Variants in LIPC observed in about 807,000 individuals in gnomAD.
LIPC encodes lipase C, hepatic type.
In LIPC, 44 loss-of-function variants were observed where a neutral mutation model predicts 50.7. The observed-to-expected ratio is 0.87, with a 90% confidence interval of 0.68 to 1.11. The LOEUF (loss-of-function observed/expected upper bound fraction) is 1.11, where lower values mean the gene tolerates loss of function less well. Ranked by LOEUF, LIPC falls within the 50% of genes most tolerant of loss-of-function variation. LIPC has a pLI of 0.00. For missense variants in LIPC, 697 were observed against 648.2 expected (o/e 1.08, Z -0.82); for synonymous variants, 271 against 256.4 (o/e 1.06, Z -0.54).
intron 6 of LIPC, among the ~76,000 whole-genome samples, chr15:58,557,030 T>C (rs1157457909): frequency 6.6e-6 from 1 of 152,244 alleles, no homozygotes; most frequent in Non-Finnish European, 1.5e-5. Context: ...GTGTTTTCAG[T>C]GTATTTTTAC....
At position 58,544,860 on chromosome 15, in the gene LIPC, A is replaced by AT. The variant is rs555751707; in HGVS notation, c.575-882_575-881insT. 2.0e-3 allele frequency among the ~76,000 whole-genome samples: 309 copies of AT among 152,254 alleles called. 3 individuals are homozygous for AT. The highest frequency in any genetic ancestry group is 3.2e-4 in the Non-Finnish European group (22 of 68,008). Reference sequence around the variant, plus strand: ...AGAGGAAGAAAGACAGGGAAAAAAAACTTGGAGCGCATAAATACTCCCCAA... The same window carrying AT: ...AGAGGAAGAAAGACAGGGAAAAAAAATCTTGGAGCGCATAAATACTCCCCAA... On this transcript the variant is annotated intron_variant, in intron 4 of 8. Coordinates refer to ENST00000299022, the MANE Select transcript of LIPC (RefSeq NM_000236.3).
intron 1 of LIPC, among the ~76,000 whole-genome samples, chr15:58,479,680 T>G (rs1217504312): frequency 6.6e-6 from 1 of 152,214 alleles, no homozygotes; most frequent in Non-Finnish European, 1.5e-5. Context: ...TCTTACAGAA[T>G]TGTTTTGTTA....
rs562955063 is a variant in LIPC at position 58,558,631 on chromosome 15, A to ACAGGCTAGAGATCTAGGTTGCATGCTCC, written c.1052-2233_1052-2232insCAGGCTAGAGATCTAGGTTGCATGCTCC. On this transcript the variant is annotated intron_variant, in intron 6 of 8. Transcript: ENST00000299022. Reference sequence around the variant, plus strand: ...AGCAGCGCAAACCCTATTGTGAACTATTATGAGAATCTAATGCCTGATGAT... The same window carrying ACAGGCTAGAGATCTAGGTTGCATGCTCC: ...AGCAGCGCAAACCCTATTGTGAACTACAGGCTAGAGATCTAGGTTGCATGCTCCTTATGAGAATCTAATGCCTGATGAT... Among the ~76,000 whole-genome samples the ACAGGCTAGAGATCTAGGTTGCATGCTCC allele has an allele frequency of 3.7e-4, 56 of 151,804 alleles. 1 individual carries two copies. Among genetic ancestry groups the ACAGGCTAGAGATCTAGGTTGCATGCTCC allele is most frequent in the Non-Finnish European group, 6.8e-4 (46 of 67,936 alleles).
At chr15:58,543,842 G>T (rs748923143) in intron 4 of LIPC, among the ~76,000 whole-genome samples, 1 of 151,960 alleles carries the variant, frequency 6.6e-6, no homozygotes, top group African/African-American at 2.4e-5. Context: ...GGCTGGTCTC[G>T]AACTCCCAAC....
intron 1 of LIPC, among the ~76,000 whole-genome samples, chr15:58,452,149 T>G (rs10152202): frequency 0.21 from 31,391 of 152,160 alleles, 4,262 homozygotes; most frequent in Non-Finnish European, 0.31. Context: ...CCACAGTGAT[T>G]CTCAAATTGT....
At chr15:58,559,508 T>C (rs1419153327) in intron 6 of LIPC, among the ~76,000 whole-genome samples, 1 of 152,186 alleles carries the variant, frequency 6.6e-6, no homozygotes, top group Non-Finnish European at 1.5e-5. Flanking sequence ...AGAATCCATC[T>C]CAACAGAGGG....
chr15:58,553,437 G>T (rs1270365733), intron 6 of LIPC, among the ~76,000 whole-genome samples: 1 of 152,136 alleles, frequency 6.6e-6, no homozygotes, highest in Non-Finnish European at 1.5e-5. Flanking sequence ...CTCTACAAAA[G>T]AATTAAAAAT....
chr15:58,521,395 G>C (rs534702329), intron 1 of LIPC: 1 of 152,586 alleles, frequency 6.6e-6, no homozygotes, highest in Admixed American at 6.5e-5. Context: ...GGGGAGCACA[G>C]AGAAGGGCCC....
intron 1 of LIPC, among the ~76,000 whole-genome samples, chr15:58,510,199 A>G (rs1892288568): frequency 1.3e-5 from 2 of 152,194 alleles, no homozygotes; most frequent in African/African-American, 4.8e-5. Flanking sequence ...CAGATACTTT[A>G]TGTCTTCAGT....
intron 5 of LIPC, among the ~76,000 whole-genome samples, chr15:58,548,027 C>A (rs1276080246): frequency 6.6e-6 from 1 of 152,118 alleles, no homozygotes; most frequent in Non-Finnish European, 1.5e-5. Context: ...TTTGATCTTT[C>A]CTTAGTGACT....
At chr15:58,434,172 G>A (rs1317609557) in intron 1 of LIPC, among the ~76,000 whole-genome samples, 2 of 152,112 alleles carry the variant, frequency 1.3e-5, no homozygotes, top group East Asian at 3.9e-4. Flanking sequence ...GCACAGGACA[G>A]CCCTCACAAC....
At chr15:58,457,990 T>A (rs1894198007) in intron 1 of LIPC, among the ~76,000 whole-genome samples, 1 of 152,200 alleles carries the variant, frequency 6.6e-6, no homozygotes, top group African/African-American at 2.4e-5. Flanking sequence ...CAGTTTATAC[T>A]TTTTCTCATC....
At chr15:58,488,000 G>A (rs570047593) in intron 1 of LIPC, among the ~76,000 whole-genome samples, 7 of 152,340 alleles carry the variant, frequency 4.6e-5, no homozygotes, top group East Asian at 3.9e-4. Flanking sequence ...GGCCAGGCAC[G>A]GTAGCTCACA....
At chr15:58,438,070 T>C (rs1211173346) in intron 1 of LIPC, among the ~76,000 whole-genome samples, 2 of 152,128 alleles carry the variant, frequency 1.3e-5, no homozygotes, top group African/African-American at 4.8e-5. Flanking sequence ...ATGGGGTCTG[T>C]AAGCTGACCC....
chr15:58,482,943 A>G (rs1891242944), intron 1 of LIPC, among the ~76,000 whole-genome samples: 1 of 152,088 alleles, frequency 6.6e-6, no homozygotes, highest in South Asian at 2.1e-4. Flanking sequence ...GTGATTCCTG[A>G]GGCCCAGAAC....
Position 58,493,971 on chromosome 15 carries a change from G to C in LIPC, c.89-44362G>C, listed in dbSNP as rs186688046. 9.5e-4 allele frequency among the ~76,000 whole-genome samples: 144 copies of C among 152,254 alleles called. 3 individuals carry two copies. In the East Asian group the frequency reaches 0.027, roughly 29 times the overall value. On this transcript the variant is annotated intron_variant, in intron 1 of 8. Transcript: ENST00000299022. ...TAGGAGGAGAGGTTTTAAGAAATGA[G>C]AGTAGGGGTTCTGGAGGAGGTCACC...
chr15:58,526,790 G>C (rs1314007937), intron 1 of LIPC, among the ~76,000 whole-genome samples: 1 of 152,214 alleles, frequency 6.6e-6, no homozygotes, highest in Non-Finnish European at 1.5e-5. Flanking sequence ...CCCTGGACTA[G>C]ATATTTCATC....
intron 1 of LIPC, among the ~76,000 whole-genome samples, chr15:58,491,471 C>A (rs1595892989): frequency 6.6e-6 from 1 of 152,202 alleles, no homozygotes; most frequent in African/African-American, 2.4e-5. Flanking sequence ...CACTGCCTGG[C>A]AGACTACTTA....
At chr15:58,471,906 C>T (rs1416426803) in intron 1 of LIPC, among the ~76,000 whole-genome samples, 4 of 152,124 alleles carry the variant, frequency 2.6e-5, no homozygotes, top group African/African-American at 9.7e-5. Flanking sequence ...TCCCTGAGGG[C>T]AGGGGACATA....
Sources: allele counts gnomAD v4.1 joint callset (sites outside exome capture counted in the v4.1 genomes callset), GRCh38; gene constraint gnomAD v4.1.1; transcripts MANE v1.5; gene names NCBI Gene and HGNC (gene_info 2026-07-23, HGNC 2026-07-21).